FBXO21: variants seen among roughly 807,000 people sequenced by gnomAD.
FBXO21 encodes F-box only protein 21.
FBXO21 carries 32 observed loss-of-function variants against 76.6 expected under a neutral mutation model. That is an observed-to-expected ratio of 0.42 (90% CI 0.32 to 0.56). FBXO21 has a LOEUF of 0.56. Ranked by LOEUF, FBXO21 falls within the 20% of genes least tolerant of loss-of-function variation. FBXO21 has a pLI of 0.16. For missense variants in FBXO21, 586 were observed against 797.3 expected (o/e 0.73, Z 3.19); for synonymous variants, 328 against 311.5 (o/e 1.05, Z -0.56).
At position 117,143,021 on chromosome 12, in the gene FBXO21, TTA is replaced by T. The variant is rs1955732073; in HGVS notation, c.*3064_*3065del. On this transcript the variant is annotated 3_prime_UTR_variant, in exon 12 of 12. Coordinates refer to ENST00000622495, the MANE Select transcript of FBXO21 (RefSeq NM_015002.3). ...TAAACGCGCTTATAATGGGGATCTG[TTA>T]TGAGTCTCAGGCAGGCGACATGAAA... 1 of 152,202 alleles carries T rather than the reference TTA, an allele frequency of 6.6e-6. No homozygotes were observed. Among genetic ancestry groups the T allele is most frequent in the Admixed American group, 6.5e-5 (1 of 15,284 alleles). 9.4% of individuals were successfully genotyped at this position (152,202 alleles called of 1,614,324 possible). A position where few individuals can be genotyped will look rare whatever the true frequency, so the allele number is the denominator to read the frequency against.
intron 11 of FBXO21, among the ~76,000 whole-genome samples, chr12:117,146,632 C>G (rs1213786595): frequency 6.6e-6 from 1 of 152,200 alleles, no homozygotes; most frequent in East Asian, 1.9e-4. Context: ...TTATCCCTGC[C>G]TGCTCTTTTT....
chr12:117,163,245 C>T (rs1200545747), intron 9 of FBXO21, among the ~76,000 whole-genome samples: 2 of 152,230 alleles, frequency 1.3e-5, no homozygotes, highest in Non-Finnish European at 2.9e-5. Flanking sequence ...TTTAAAGAAA[C>T]TTGCAGGCCG....
Position 117,142,464 on chromosome 12 carries a change from G to A in FBXO21, c.*3623C>T, listed in dbSNP as rs935168899. 2 of 152,212 alleles carry A rather than the reference G, an allele frequency of 1.3e-5. No individual in the cohort carries two copies. Among genetic ancestry groups the A allele is most frequent in the Admixed American group, 1.3e-4 (2 of 15,276 alleles). The allele number at this position is 152,212 out of a possible 1,614,324, so 9.4% of individuals were successfully genotyped here. ...ACAGAGAACATGTGACAGTCTGTAC[G>A]TGGCCTGCAAAGCCTAAAATCTTTA... On this transcript the variant is annotated 3_prime_UTR_variant, in exon 12 of 12. Coordinates refer to ENST00000622495, the MANE Select transcript of FBXO21 (RefSeq NM_015002.3).
chr12:117,152,361 G>A (rs1445434694), intron 11 of FBXO21, among the ~76,000 whole-genome samples: 3 of 151,998 alleles, frequency 2.0e-5, no homozygotes, highest in African/African-American at 7.3e-5. Context: ...AGCTACTTGG[G>A]AGGCTGAGAT....
At chr12:117,165,425 C>T (rs1432679892) in intron 9 of FBXO21, 60 bp downstream of exon 9, 1 of 1,518,156 alleles carries the variant, frequency 6.6e-7, no homozygotes, top group African/African-American at 1.4e-5. Flanking sequence ...TCACGGGCAC[C>T]CTTCAATCTA....
chr12:117,171,357 CAAAAAAAAAA>C (rs57835444), intron 7 of FBXO21, among the ~76,000 whole-genome samples: 2 of 52,664 alleles, frequency 3.8e-5, no homozygotes, highest in South Asian at 8.4e-4. Flanking sequence ...GACCCTGTCT[CAAAAAAAAAA>C]AAAAAAAAAA....
chr12:117,165,675 C>T (rs1269289504), intron 8 of FBXO21, 58 bp from the exon 9 acceptor site: 2 of 1,489,962 alleles, frequency 1.3e-6, no homozygotes, highest in Non-Finnish European at 1.8e-6. Context: ...CAAAGACTCT[C>T]TTTTTCAAGG....
chr12:117,162,512 G>A (rs574809316), intron 9 of FBXO21, among the ~76,000 whole-genome samples: 4 of 152,142 alleles, frequency 2.6e-5, no homozygotes, highest in Non-Finnish European at 5.9e-5. Flanking sequence ...GATGGAAGGA[G>A]GCGTTCAGTC....
chr12:117,175,145 T>C (rs879858697), intron 4 of FBXO21, among the ~76,000 whole-genome samples: 1 of 152,148 alleles, frequency 6.6e-6, no homozygotes, highest in East Asian at 1.9e-4. Flanking sequence ...CTAGCTGTTA[T>C]AGGTTCCAAA....
chr12:117,165,614 T>A lies in FBXO21; in HGVS notation c.1197A>T (p.Glu399Asp). 6.2e-7 allele frequency: 1 copy of A among 1,602,968 alleles called. No homozygotes were observed. The highest frequency in any genetic ancestry group is 8.5e-7 in the Non-Finnish European group (1 of 1,173,218). Residue 399 changes from glutamate (E) to aspartate (D), a missense_variant, in exon 9 of 12, where the codon GAA (glutamate) becomes GAT (aspartate). Glu to Asp is a conservative substitution (Grantham distance 45). Around this residue, in one of 6 missense-constraint regions of FBXO21, gnomAD observed 9 missense variants for 40.6 expected, o/e 0.22. Transcript: ENST00000622495. ...VGNLLSLGKREGIDQSYQLLR... is the reference protein window; with the variant it reads ...VGNLLSLGKRDGIDQSYQLLR... ...GGAGCTGGTATGACTGGTCGATGCC[T>A]TCCCTAGCAGAGGAAAAACAATGTT...
In FBXO21 at chr12:117,142,458, CTG is replaced by C. The variant is rs1955726215; in HGVS notation, c.*3627_*3628del. ...TTAAAAACAGAGAACATGTGACAGT[CTG>C]TACGTGGCCTGCAAAGCCTAAAATC... On this transcript the variant is annotated 3_prime_UTR_variant, in exon 12 of 12. Coordinates refer to ENST00000622495, the MANE Select transcript of FBXO21 (RefSeq NM_015002.3). 1 of 152,262 alleles carries C rather than the reference CTG, an allele frequency of 6.6e-6. No homozygotes were observed. The highest frequency in any genetic ancestry group is 6.5e-5 in the Admixed American group (1 of 15,278). 9.4% of individuals were successfully genotyped at this position (152,262 alleles called of 1,614,324 possible). A position where few individuals can be genotyped will look rare whatever the true frequency, so the allele number is the denominator to read the frequency against.
chr12:117,183,670 C>CT (rs1224174372), intron 3 of FBXO21, among the ~76,000 whole-genome samples: 2 of 152,202 alleles, frequency 1.3e-5, no homozygotes, highest in African/African-American at 4.8e-5. Context: ...TTCAATATCT[C>CT]TTGAGTTCTA....
intron 3 of FBXO21, among the ~76,000 whole-genome samples, chr12:117,185,460 A>G (rs193144828): frequency 1.3e-5 from 2 of 152,350 alleles, no homozygotes; most frequent in African/African-American, 2.4e-5. Flanking sequence ...CCATCACTAG[A>G]AAGTTTTCAG....
intron 1 of FBXO21, 57 bp from the exon 2 acceptor site, chr12:117,189,419 G>C: frequency 6.2e-7 from 1 of 1,602,874 alleles, no homozygotes; most frequent in Non-Finnish European, 8.5e-7. Context: ...AGGCGGCCAC[G>C]AATCCAAGGC....
intron 11 of FBXO21, among the ~76,000 whole-genome samples, chr12:117,149,213 T>C (rs1404268534): frequency 2.0e-5 from 3 of 152,170 alleles, no homozygotes; most frequent in Non-Finnish European, 4.4e-5. Flanking sequence ...TTGCCCAGGT[T>C]GTTTTCAAAC....
At chr12:117,148,963 A>C (rs534168638) in intron 11 of FBXO21, among the ~76,000 whole-genome samples, 11 of 152,326 alleles carry the variant, frequency 7.2e-5, no homozygotes, top group African/African-American at 2.6e-4. Context: ...ATAAATGTTA[A>C]AAAACAAAAT....
At chr12:117,168,233 A>C (rs112526802) in intron 7 of FBXO21, among the ~76,000 whole-genome samples, 2,043 of 152,332 alleles carry the variant, frequency 0.013, 41 homozygotes, top group African/African-American at 0.047. Flanking sequence ...ACCTACCCTT[A>C]GCAAGGATAT....
intron 5 of FBXO21, 105 bp downstream of exon 5, chr12:117,174,546 C>G: frequency 7.2e-7 from 1 of 1,381,928 alleles, no homozygotes; most frequent in Non-Finnish European, 1.0e-6. Context: ...GTCATTTTAT[C>G]ACTTTTTCAT....
At chr12:117,176,444 G>A (rs1016328399) in intron 4 of FBXO21, among the ~76,000 whole-genome samples, 1 of 152,140 alleles carries the variant, frequency 6.6e-6, no homozygotes, top group African/African-American at 2.4e-5. Flanking sequence ...TGGAGAGTAC[G>A]GAGCAAAGGT....
Sources: allele counts gnomAD v4.1 joint callset (sites outside exome capture counted in the v4.1 genomes callset), GRCh38; gene constraint gnomAD v4.1.1; regional missense constraint gnomAD v4.1.1; transcripts MANE v1.5; gene names NCBI Gene and HGNC (gene_info 2026-07-23, HGNC 2026-07-21).